The following ABHD16A variants were observed in gnomAD, a reference collection of about 807,000 sequenced individuals.
ABHD16A encodes the protein abhydrolase domain containing 16A, phospholipase, also known as phosphatidylserine lipase ABHD16A.
Under a neutral mutation model 89.8 loss-of-function variants are expected in ABHD16A, and 47 were observed. The observed-to-expected ratio is 0.52, with a 90% CI of 0.41 to 0.67. The LOEUF (loss-of-function observed/expected upper bound fraction) is 0.67. Among genes scored for constraint, ABHD16A ranks in the 30% least tolerant of loss-of-function variants. The pLI is 0.00. For missense variants in ABHD16A, 580 were observed against 734.6 expected (o/e 0.79, Z 2.43); for synonymous variants, 251 against 280.4 (o/e 0.90, Z 1.05).
Position 31,698,456 on chromosome 6 carries a change from A to G in ABHD16A, c.344-1423T>C, listed in dbSNP as rs1804599175. ...CATCAAAAAATTTAAAAAGGCTTTT[A>G]TATTTTGTTCTCTGGACTTTTCTGT... is the stretch of plus-strand genomic sequence containing the variant. On this transcript the variant is annotated intron_variant, in intron 4 of 19. Coordinates refer to ENST00000395952, the MANE Select transcript of ABHD16A (RefSeq NM_021160.3). The surrounding 1 kb of genome is among the most constrained non-coding windows in gnomAD (Gnocchi z 4.1). Among the ~76,000 whole-genome samples the G allele has an allele frequency of 6.6e-6, 1 of 151,124 alleles. No homozygotes were observed. The highest frequency in any genetic ancestry group is 6.6e-5 in the Admixed American group (1 of 15,142).
chr6:31,692,796 G>T, intron 7 of ABHD16A: 2 of 209,686 alleles, frequency 9.5e-6, no homozygotes, highest in Non-Finnish European at 1.8e-5. Flanking sequence ...AGGAGCTTTT[G>T]TTCATATCCC....
Position 31,687,383 on chromosome 6 carries a change from T to C in ABHD16A, c.1594-88A>G. On this transcript the variant is annotated intron_variant, in intron 19 of 19. Coordinates refer to ENST00000395952, the MANE Select transcript of ABHD16A (RefSeq NM_021160.3). This position sits in a 1 kb window ranked among gnomAD's most constrained non-coding sequence, Gnocchi z 6.3. Reference sequence around the variant, plus strand: ...TCCCTCCCCACCCTCCACTTCCGCATCCACCACCCACTCTACAAAAGCTGC... The same window carrying C: ...TCCCTCCCCACCCTCCACTTCCGCACCCACCACCCACTCTACAAAAGCTGC... The C allele has an allele frequency of 1.9e-6, 3 of 1,595,036 alleles. No individual in the cohort carries two copies. The highest frequency in any genetic ancestry group is 2.6e-6 in the Non-Finnish European group (3 of 1,164,078).
In ABHD16A at chr6:31,690,408, T is replaced by C; in HGVS notation, c.907+131A>G. 1 of 1,036,352 alleles carries C rather than the reference T, an allele frequency of 9.6e-7. No homozygotes were observed. Among genetic ancestry groups the C allele is most frequent in the South Asian group, 1.4e-5 (1 of 73,206 alleles). The allele number at this position is 1,036,352 out of a possible 1,614,324, so 64.2% of individuals were successfully genotyped here. A position where few individuals can be genotyped will look rare whatever the true frequency, so the allele number is the denominator to read the frequency against. ...TTATCAAAGCAAATGGCGAGTGGAC[T>C]TTTCCCTAAAGCTGAGAGACTCAAA... On this transcript the variant is annotated intron_variant, in intron 10 of 19. Transcript: ENST00000395952. The surrounding 1 kb of genome is among the most constrained non-coding windows in gnomAD (Gnocchi z 4.1).
In ABHD16A at chr6:31,703,283, G is replaced by T; in HGVS notation, c.-2C>A. ...GACGCAGCTCAGCAGCTTCGCCATG[G>T]CCCCGGCTCGGGCCGCTGCTCTTCC... On this transcript the variant is annotated 5_prime_UTR_variant, in exon 1 of 20. Coordinates refer to ENST00000395952, the MANE Select transcript of ABHD16A (RefSeq NM_021160.3). The T allele has an allele frequency of 1.5e-6, 2 of 1,347,488 alleles. No individual in the cohort carries two copies. Among genetic ancestry groups the T allele is most frequent in the Non-Finnish European group, 9.6e-7 (1 of 1,037,500 alleles). 83.5% of individuals were successfully genotyped at this position (1,347,488 alleles called of 1,614,324 possible). A position where few individuals can be genotyped will look rare whatever the true frequency, so the allele number is the denominator to read the frequency against.
chr6:31,702,586 G>A (rs1185448954), intron 1 of ABHD16A: 12 of 1,428,408 alleles, frequency 8.4e-6, no homozygotes, highest in Non-Finnish European at 1.0e-5. Context: ...CTGATAAAAA[G>A]GAAGAGAATA....
chr6:31,693,178 T>C lies in ABHD16A; in HGVS notation c.504-29A>G, dbSNP rs1295130247. 1.9e-5 allele frequency: 30 copies of C among 1,607,184 alleles called. No individual in the cohort carries two copies. The highest frequency in any genetic ancestry group is 2.5e-5 in the Non-Finnish European group (30 of 1,176,520). On this transcript the variant is annotated intron_variant, in intron 6 of 19. Transcript: ENST00000395952. This position sits in a 1 kb window ranked among gnomAD's most constrained non-coding sequence, Gnocchi z 5.0. ...AGGAAGGGAAAGATGCAGGGAAGGA[T>C]AGGGTCAGGAGCAGCAAGCTGGATG...
Position 31,687,644 on chromosome 6 carries a change from A to G in ABHD16A, c.1544T>C (p.Val515Ala), listed in dbSNP as rs543642904. 12 of 1,612,342 alleles carry G rather than the reference A, an allele frequency of 7.4e-6. No homozygotes were observed. The African/African-American group carries it at 1.5e-4, about 20-fold the overall frequency. The change falls in exon 18 of 20, where the codon GTG (valine) becomes GCG (alanine). Residue 515 changes from valine to alanine, a missense_variant and splice_region_variant. Physicochemically the swap from Val to Ala is moderately conservative, Grantham distance 64. Transcript: ENST00000395952. This position sits in a 1 kb window ranked among gnomAD's most constrained non-coding sequence, Gnocchi z 6.3. ...CTCCTGCCCCAGGAGCTCCTTACCC[A>G]CGCTCCAGGGGAAGTCGGGCCCGTG... ...AEHGPDFPWSVGEDMSADGRR... is the reference protein window; with the variant it reads ...AEHGPDFPWSAGEDMSADGRR...
Position 31,689,665 on chromosome 6 carries a change from C to CAT in ABHD16A, c.995_996dup (p.Val333MetfsTer11), listed in dbSNP as rs1562096238. The CAT allele has an allele frequency of 1.9e-6, 3 of 1,612,688 alleles. No homozygotes were observed. On this transcript the variant is annotated frameshift_variant, in exon 12 of 20. Transcript: ENST00000395952. LOFTEE classifies it high-confidence loss of function. Reference sequence around the variant, plus strand: ...CGGTGGATGGCAAACTGGACCACCACATCCATGGCATTAGCCTCATTCTGC... The same window carrying CAT: ...CGGTGGATGGCAAACTGGACCACCACATATCCATGGCATTAGCCTCATTCTGC...
chr6:31,693,547 C>T lies in ABHD16A; in HGVS notation c.430-115G>A. Reference sequence around the variant, plus strand: ...CTGATCCCCACACATCATGGGGAAACCAAGCGGAGGTCAATACCCTCCCAA... The same window carrying T: ...CTGATCCCCACACATCATGGGGAAATCAAGCGGAGGTCAATACCCTCCCAA... On this transcript the variant is annotated intron_variant, in intron 5 of 19. Coordinates refer to ENST00000395952, the MANE Select transcript of ABHD16A (RefSeq NM_021160.3). This position sits in a 1 kb window ranked among gnomAD's most constrained non-coding sequence, Gnocchi z 5.0. The T allele has an allele frequency of 2.0e-6, 2 of 976,126 alleles. No individual in the cohort carries two copies. The highest frequency in any genetic ancestry group is 3.1e-6 in the Non-Finnish European group (2 of 637,018). The allele number at this position is 976,126 out of a possible 1,614,324, so 60.5% of individuals were successfully genotyped here.
At position 31,693,508 on chromosome 6, in the gene ABHD16A, C is replaced by T. The variant is rs752431231; in HGVS notation, c.430-76G>A. The stretch of plus-strand genomic sequence containing the variant: ...TCCTACCCACCCTCAACAACACCTT[C>T]GTTATCCAGGGGTCTGATCCCCACA... On this transcript the variant is annotated intron_variant, in intron 5 of 19. Transcript: ENST00000395952. This position sits in a 1 kb window ranked among gnomAD's most constrained non-coding sequence, Gnocchi z 5.0. The T allele has an allele frequency of 7.5e-5, 105 of 1,401,486 alleles. No individual in the cohort carries two copies. Among genetic ancestry groups the T allele is most frequent in the Non-Finnish European group, 9.9e-5 (99 of 999,474 alleles). 86.8% of individuals were successfully genotyped at this position (1,401,486 alleles called of 1,614,324 possible).
intron 12 of ABHD16A, 82 bp from the exon 13 acceptor site, chr6:31,689,201 C>A: frequency 7.9e-7 from 1 of 1,266,012 alleles, no homozygotes; most frequent in Admixed American, 2.3e-5. Context: ...CCCACTGACC[C>A]TATAGGCCAA....
At position 31,693,427 on chromosome 6, in the gene ABHD16A, C is replaced by T. The variant is rs1372215297; in HGVS notation, c.435G>A (p.Gln145=). The change falls in exon 6 of 20, where the codon CAG becomes CAA. Residue 145 remains glutamine (Q), a synonymous_variant. Coordinates refer to ENST00000395952, the MANE Select transcript of ABHD16A (RefSeq NM_021160.3). This position sits in a 1 kb window ranked among gnomAD's most constrained non-coding sequence, Gnocchi z 5.0. The part of the protein sequence containing the change: ...HRNQSSENKR[Q]LANYNFDFRS... ...GGAAGTCAAAGTTGTAGTTGGCAAGCTGCCTCTGCAGTGGGCACGAGAGGC... is the reference window on the plus strand; with the variant it reads ...GGAAGTCAAAGTTGTAGTTGGCAAGTTGCCTCTGCAGTGGGCACGAGAGGC... 1.9e-6 allele frequency: 3 copies of T among 1,612,900 alleles called. No homozygotes were observed. Among genetic ancestry groups the T allele is most frequent in the South Asian group, 1.1e-5 (1 of 91,084 alleles).
chr6:31,687,921 C>G lies in ABHD16A; in HGVS notation c.1371-21G>C. 1 of 1,612,800 alleles carries G rather than the reference C, an allele frequency of 6.2e-7. No homozygotes were observed. Among genetic ancestry groups the G allele is most frequent in the Non-Finnish European group, 8.5e-7 (1 of 1,180,026 alleles). On this transcript the variant is annotated intron_variant, in intron 16 of 19. Coordinates refer to ENST00000395952, the MANE Select transcript of ABHD16A (RefSeq NM_021160.3). The surrounding 1 kb of genome is among the most constrained non-coding windows in gnomAD (Gnocchi z 6.3). Reference sequence around the variant, plus strand: ...GATACCTACGGAGGAAGTGCCAGGACAGGTCAGGGCTGATTTTTTTTCATT... The same window carrying G: ...GATACCTACGGAGGAAGTGCCAGGAGAGGTCAGGGCTGATTTTTTTTCATT...
chr6:31,703,172 G>A lies in ABHD16A; in HGVS notation c.110C>T (p.Thr37Ile), dbSNP rs1805195294. The change falls in exon 1 of 20, where the codon ACT becomes ATT. Residue 37 changes from threonine to isoleucine, a missense_variant. Coordinates refer to ENST00000395952, the MANE Select transcript of ABHD16A (RefSeq NM_021160.3). ...ASVPETPTAV[T>I]APHSSSWDTY... ...CACCCAGGAGCTGGAATGGGGGGCAGTGACTGCCGTTGGCGTCTCAGGGAC... is the reference window on the plus strand; with the variant it reads ...CACCCAGGAGCTGGAATGGGGGGCAATGACTGCCGTTGGCGTCTCAGGGAC... 1 of 1,437,056 alleles carries A rather than the reference G, an allele frequency of 7.0e-7. No homozygotes were observed. Among genetic ancestry groups the A allele is most frequent in the South Asian group, 1.5e-5 (1 of 66,010 alleles). The allele number at this position is 1,437,056 out of a possible 1,614,324, so 89.0% of individuals were successfully genotyped here.
In ABHD16A at chr6:31,690,548, G is replaced by A; in HGVS notation, c.898C>T (p.Pro300Ser). Residue 300 changes from proline to serine, a missense_variant, in exon 10 of 20, where the codon CCC becomes TCC. Pro to Ser is a moderately conservative substitution (Grantham distance 74, BLOSUM62 -1). Coordinates refer to ENST00000395952, the MANE Select transcript of ABHD16A (RefSeq NM_021160.3). The surrounding 1 kb of genome is among the most constrained non-coding windows in gnomAD (Gnocchi z 4.1). ...GFYEVGCVST[P>S]LEAGYSVLGW... ...TGAGTCACCGTCCTACCTTCCAGGG[G>A]CGTGGAGACGCAGCCCACCTCATAA... The A allele has an allele frequency of 6.2e-7, 1 of 1,612,994 alleles. No homozygotes were observed. Among genetic ancestry groups the A allele is most frequent in the Non-Finnish European group, 8.5e-7 (1 of 1,179,982 alleles).
chr6:31,697,840 C>T (rs1408827504), intron 4 of ABHD16A, among the ~76,000 whole-genome samples: 8 of 152,288 alleles, frequency 5.3e-5, no homozygotes, highest in Non-Finnish European at 1.5e-5. Context: ...GTACTACACA[C>T]GGGAGACTCA....
chr6:31,692,409 C>T (rs138115691), intron 7 of ABHD16A: 11 of 159,194 alleles, frequency 6.9e-5, no homozygotes, highest in African/African-American at 2.6e-4. Context: ...TAGAAGCTGC[C>T]TCCTAACTCC....
At position 31,691,832 on chromosome 6, in the gene ABHD16A, A is replaced by T. The variant is rs759872738; in HGVS notation, c.713T>A (p.Leu238Gln). The stretch of plus-strand genomic sequence containing the variant: ...TTCCACCAGTCGGGCCTGGCCCTGC[A>T]GCAGCACAGGCATGAGGGCCTTCTG... The part of the protein sequence containing the change: ...LLQKALMPVL[L>Q]QGQARLVEEC... Residue 238 changes from leucine to glutamine, a missense_variant, in exon 8 of 20, where the codon CTG becomes CAG. By Grantham distance (113) the Leu-to-Gln change is moderately radical. Transcript: ENST00000395952. The T allele has an allele frequency of 6.2e-7, 1 of 1,611,170 alleles. No homozygotes were observed. Among genetic ancestry groups the T allele is most frequent in the East Asian group, 2.2e-5 (1 of 44,872 alleles).
At chr6:31,702,768 T>C in intron 1 of ABHD16A, 1 of 1,494,234 alleles carries the variant, frequency 6.7e-7, no homozygotes, top group Non-Finnish European at 8.9e-7. Context: ...GGGGGAGGCA[T>C]GAAGAGGCAC....
Sources: allele counts gnomAD v4.1 joint callset (sites outside exome capture counted in the v4.1 genomes callset), GRCh38; gene constraint gnomAD v4.1.1; non-coding constraint Gnocchi (gnomAD v3.1); transcripts MANE v1.5; gene names NCBI Gene and HGNC (gene_info 2026-07-23, HGNC 2026-07-21).